Variants in NAV2 observed in about 807,000 individuals in gnomAD.
NAV2 encodes the protein helicase, APC down-regulated 1.
Under a neutral mutation model 223.2 loss-of-function variants are expected in NAV2, and 54 were observed. The observed-to-expected ratio is 0.24, with a 90% confidence interval of 0.19 to 0.30. NAV2 has a LOEUF of 0.30. NAV2 is among the 10% of genes least tolerant of loss of function. The pLI is 1.00. For synonymous variants in NAV2, 1,279 were observed against 1,239.3 expected, an observed-to-expected ratio of 1.03 and a Z score of -0.67; for missense variants, 2,806 against 3,147.5, an observed-to-expected ratio of 0.89 and a Z score of 2.60.
At chr11:19,374,662 G>C (rs1848583096) in intron 1 of NAV2, among the ~76,000 whole-genome samples, 1 of 152,080 alleles carries the variant, frequency 6.6e-6, no homozygotes, top group Admixed American at 6.5e-5. Context: ...CTTCTTTTTT[G>C]TTGTGTTAAG....
chr11:19,980,033 AACAATGATGTAT>A (rs1591519266), intron 10 of NAV2, among the ~76,000 whole-genome samples: 1 of 152,330 alleles, frequency 6.6e-6, no homozygotes, highest in East Asian at 1.9e-4. Flanking sequence ...AGTGCTTACT[AACAATGATGTAT>A]ACTAGGTCCT....
chr11:20,022,429 A>G (rs1290590164), intron 11 of NAV2: 1 of 385,144 alleles, frequency 2.6e-6, no homozygotes, highest in Non-Finnish European at 3.5e-6. Context: ...AGCCTGCGGA[A>G]TTAATGCATA....
intron 1 of NAV2, among the ~76,000 whole-genome samples, chr11:19,476,674 G>A (rs575307338): frequency 1.3e-5 from 2 of 152,294 alleles, no homozygotes; most frequent in East Asian, 1.9e-4. Context: ...CAAGTCAATC[G>A]CTGTGTGCAG....
At chr11:19,787,726 A>G (rs2057239449) in intron 1 of NAV2, among the ~76,000 whole-genome samples, 1 of 152,166 alleles carries the variant, frequency 6.6e-6, no homozygotes, top group Non-Finnish European at 1.5e-5. Flanking sequence ...CCCAGGAAGG[A>G]TGGTTGTCCT....
Position 19,949,030 on chromosome 11 carries a change from C to T in NAV2, c.2595C>T (p.Ser865=), listed in dbSNP as rs551080482. The part of the protein sequence containing the change: ...GISMDAPGYM[S]DGDVLSKNIR... ...GCATGGATGCCCCCGGCTACATGAG[C>T]GACGGGGATGTTCTGAGCAAGAACA... Residue 865 remains serine, a synonymous_variant, in exon 10 of 38, where the codon AGC becomes AGT. Coordinates refer to ENST00000349880, the MANE Select transcript of NAV2 (RefSeq NM_145117.5). 46 of 1,613,626 alleles carry T rather than the reference C, an allele frequency of 2.9e-5. No homozygotes were observed. Among genetic ancestry groups the T allele is most frequent in the South Asian group, 4.4e-5 (4 of 91,044 alleles).
chr11:19,855,194 G>T (rs61552031), intron 3 of NAV2, among the ~76,000 whole-genome samples: 7,984 of 152,168 alleles, frequency 0.052, 442 homozygotes, highest in African/African-American at 0.14. Flanking sequence ...AGAATTTAGC[G>T]CAGTGCTTCA....
intron 1 of NAV2, among the ~76,000 whole-genome samples, chr11:19,751,671 C>T (rs2053831245): frequency 6.6e-6 from 1 of 152,164 alleles, no homozygotes; most frequent in Non-Finnish European, 1.5e-5. Flanking sequence ...CCCCAATATT[C>T]TCTACTCTCT....
chr11:20,004,995 C>T (rs923666208), intron 11 of NAV2, among the ~76,000 whole-genome samples: 7 of 151,966 alleles, frequency 4.6e-5, no homozygotes, highest in Non-Finnish European at 8.8e-5. Flanking sequence ...GTGAGGCTTA[C>T]TTGCGATAAT....
At chr11:19,959,070 T>G (rs998115471) in intron 10 of NAV2, among the ~76,000 whole-genome samples, 1 of 152,172 alleles carries the variant, frequency 6.6e-6, no homozygotes, top group African/African-American at 2.4e-5. Context: ...CTCCAGCCTG[T>G]GTTGTAACTG....
intron 1 of NAV2, among the ~76,000 whole-genome samples, chr11:19,771,127 C>G (rs2055686437): frequency 6.6e-6 from 1 of 152,010 alleles, no homozygotes; most frequent in African/African-American, 2.4e-5. Context: ...TTAATTATAC[C>G]AATGATAAGC....
intron 1 of NAV2, among the ~76,000 whole-genome samples, chr11:19,449,387 A>G (rs533844266): frequency 6.7e-6 from 1 of 148,208 alleles, no homozygotes; most frequent in Admixed American, 6.8e-5. Context: ...ACAGAGCGAG[A>G]CTCCATCTCA....
chr11:19,481,282 G>T (rs2042272051), intron 1 of NAV2, among the ~76,000 whole-genome samples: 1 of 152,116 alleles, frequency 6.6e-6, no homozygotes, highest in South Asian at 2.1e-4. Flanking sequence ...CCAGGCCTGG[G>T]CTTATGAACT....
chr11:19,656,479 G>A (rs992684736), intron 1 of NAV2, among the ~76,000 whole-genome samples: 27 of 152,210 alleles, frequency 1.8e-4, no homozygotes, highest in Admixed American at 1.7e-3. Context: ...GGCACAGACA[G>A]GAGACTGGGG....
chr11:19,522,415 C>T (rs915969461), intron 1 of NAV2, among the ~76,000 whole-genome samples: 3 of 152,264 alleles, frequency 2.0e-5, no homozygotes, highest in African/African-American at 4.8e-5. Context: ...TGATTTTCAG[C>T]GATAAACAGC....
intron 2 of NAV2, among the ~76,000 whole-genome samples, chr11:19,835,137 T>C (rs1311079240): frequency 1.6e-4 from 24 of 152,210 alleles, no homozygotes; most frequent in Admixed American, 1.6e-3. Context: ...CTCAGGATGA[T>C]GCTTCCCTGA....
At chr11:19,873,760 G>A (rs2062675148) in intron 4 of NAV2, among the ~76,000 whole-genome samples, 1 of 152,124 alleles carries the variant, frequency 6.6e-6, no homozygotes, top group East Asian at 1.9e-4. Flanking sequence ...CTGTTTCTTA[G>A]CAGAAGGGTC....
chr11:19,622,183 G>T (rs932355583), intron 1 of NAV2, among the ~76,000 whole-genome samples: 4 of 152,184 alleles, frequency 2.6e-5, no homozygotes, highest in African/African-American at 9.7e-5. Context: ...CAACTACGTG[G>T]TCAATTTTGG....
chr11:19,539,164 G>A lies in NAV2; in HGVS notation c.75+188137G>A, dbSNP rs191667880. On this transcript the variant is annotated intron_variant, in intron 1 of 37. Transcript: ENST00000360655. ...AGTTTTCTCTAATTCTACGTACTGA[G>A]CCTCATTACGATCAGTTAGATCAAT... Among the ~76,000 whole-genome samples, 7 of 152,290 alleles carry A rather than the reference G, an allele frequency of 4.6e-5. No individual in the cohort carries two copies. The East Asian group carries it at 5.8e-4, about 13-fold the overall frequency.
chr11:19,723,222 C>G (rs1368233558), intron 1 of NAV2, among the ~76,000 whole-genome samples: 1 of 152,180 alleles, frequency 6.6e-6, no homozygotes, highest in Admixed American at 6.5e-5. Context: ...TCACAGCAAC[C>G]ATTTATGTGC....
Sources: gnomAD v4.1 joint callset for allele counts (sites outside exome capture counted in the v4.1 genomes callset) on GRCh38, gnomAD v4.1.1 for gene constraint, MANE v1.5 for transcripts, NCBI Gene and HGNC (gene_info 2026-07-23, HGNC 2026-07-21) for gene names.